Variants in DCAF10 observed in about 807,000 individuals in gnomAD.
The protein encoded by DCAF10 is DDB1- and CUL4-associated factor 10.
DCAF10 carries 19 observed loss-of-function variants against 51.9 expected under a neutral mutation model. That is an observed-to-expected ratio of 0.37 (90% CI 0.26 to 0.54). The LOEUF (loss-of-function observed/expected upper bound fraction) is 0.54. Ranked by LOEUF, DCAF10 falls within the 20% of genes least tolerant of loss-of-function variation. The pLI, the probability that DCAF10 is intolerant of heterozygous loss-of-function variation, is 0.87. For missense variants in DCAF10, 510 were observed against 730.6 expected (o/e 0.70, Z 3.48); for synonymous variants, 291 against 297.1 (o/e 0.98, Z 0.21).
chr9:37,855,076 A>C (rs1379365834), intron 4 of DCAF10, 94 bp downstream of exon 4: 2 of 1,213,944 alleles, frequency 1.6e-6, no homozygotes, highest in Non-Finnish European at 2.3e-6. Flanking sequence ...TAGCAGGAAA[A>C]GGGAAGACAG....
At chr9:37,813,366 GAT>G (rs1223945816) in intron 1 of DCAF10, among the ~76,000 whole-genome samples, 1 of 152,206 alleles carries the variant, frequency 6.6e-6, no homozygotes, top group Non-Finnish European at 1.5e-5. Flanking sequence ...AAAACACTAG[GAT>G]TACAGGCATG....
At position 37,861,730 on chromosome 9, in the gene DCAF10, C is replaced by A; in HGVS notation, c.*222C>A. 1.9e-6 allele frequency: 1 copy of A among 523,432 alleles called. No individual in the cohort carries two copies. Among genetic ancestry groups the A allele is most frequent in the Non-Finnish European group, 3.3e-6 (1 of 305,192 alleles). 32.4% of individuals were successfully genotyped at this position (523,432 alleles called of 1,614,324 possible). On this transcript the variant is annotated 3_prime_UTR_variant, in exon 7 of 7. Coordinates refer to ENST00000377724, the MANE Select transcript of DCAF10 (RefSeq NM_024345.5). This position sits in a 1 kb window ranked among gnomAD's most constrained non-coding sequence, Gnocchi z 4.9. The stretch of plus-strand genomic sequence containing the variant: ...CAGCATCATCTTTTGCAGCATTCCT[C>A]TGCTCCTGCTGATCTGTGCCACTGA...
At chr9:37,823,890 T>G (rs1043202814) in intron 2 of DCAF10, among the ~76,000 whole-genome samples, 22 of 147,896 alleles carry the variant, frequency 1.5e-4, no homozygotes, top group Admixed American at 1.2e-3. Flanking sequence ...TTTTTTTTTT[T>G]TTTTTTTTGA....
chr9:37,814,100 A>ATT (rs1242481233), intron 1 of DCAF10, among the ~76,000 whole-genome samples: 4 of 97,122 alleles, frequency 4.1e-5, no homozygotes, highest in Non-Finnish European at 2.0e-5. Flanking sequence ...ATATATATAT[A>ATT]TATATATATA....
intron 1 of DCAF10, among the ~76,000 whole-genome samples, chr9:37,810,011 G>T (rs1384467072): frequency 6.6e-6 from 1 of 151,738 alleles, no homozygotes; most frequent in African/African-American, 2.4e-5. Flanking sequence ...AAGTAGCTGG[G>T]CATGGTGGCA....
At position 37,863,627 on chromosome 9, in the gene DCAF10, C is replaced by T. The variant is rs1831072796; in HGVS notation, c.*2119C>T. 6.6e-6 allele frequency: 1 copy of T among 152,262 alleles called. No homozygotes were observed. The highest frequency in any genetic ancestry group is 2.4e-5 in the African/African-American group (1 of 41,560). The allele number at this position is 152,262 out of a possible 1,614,324, so 9.4% of individuals were successfully genotyped here. A position where few individuals can be genotyped will look rare whatever the true frequency, so the allele number is the denominator to read the frequency against. On this transcript the variant is annotated 3_prime_UTR_variant, in exon 7 of 7. Transcript: ENST00000377724. ...TGTTAGAAATAATGACTTATGGACA[C>T]TTTGTCTTTAAGTTGTATTATTGTA... is the stretch of plus-strand genomic sequence containing the variant.
chr9:37,830,408 T>A (rs1034746962), intron 2 of DCAF10, among the ~76,000 whole-genome samples: 2 of 152,160 alleles, frequency 1.3e-5, no homozygotes, highest in Non-Finnish European at 2.9e-5. Context: ...TTATTAAACA[T>A]TTACAGAGAA....
intron 1 of DCAF10, among the ~76,000 whole-genome samples, chr9:37,815,706 C>G (rs919708190): frequency 2.6e-5 from 4 of 151,078 alleles, no homozygotes; most frequent in Non-Finnish European, 5.9e-5. Flanking sequence ...TATTATCAAC[C>G]AAAAACCCCA....
At chr9:37,850,548 C>G (rs901668775) in intron 3 of DCAF10, among the ~76,000 whole-genome samples, 3 of 151,798 alleles carry the variant, frequency 2.0e-5, no homozygotes, top group Non-Finnish European at 4.4e-5. Flanking sequence ...ATATCACTTA[C>G]ATGTAGAATC....
rs1488825650 is a variant in DCAF10 at position 37,857,395 on chromosome 9, T to C, written c.1165+44T>C. ...TTTATAATCTTGTAACAACAGATTA[T>C]GCCAATCTGATTAATTATTGATTGA... On this transcript the variant is annotated intron_variant, in intron 5 of 6. Coordinates refer to ENST00000377724, the MANE Select transcript of DCAF10 (RefSeq NM_024345.5). 6.5e-6 allele frequency: 9 copies of C among 1,382,762 alleles called. No individual in the cohort carries two copies. In the South Asian group the frequency reaches 1.0e-4, roughly 16 times the overall value. 85.7% of individuals were successfully genotyped at this position (1,382,762 alleles called of 1,614,324 possible). A position where few individuals can be genotyped will look rare whatever the true frequency, so the allele number is the denominator to read the frequency against.
chr9:37,830,628 T>C (rs1829978825), intron 2 of DCAF10, among the ~76,000 whole-genome samples: 1 of 152,224 alleles, frequency 6.6e-6, no homozygotes, highest in African/African-American at 2.4e-5. Flanking sequence ...AATGTTAAAA[T>C]TGATAAAGCT....
intron 3 of DCAF10, among the ~76,000 whole-genome samples, chr9:37,846,607 C>T (rs1192560560): frequency 6.6e-6 from 1 of 152,070 alleles, no homozygotes; most frequent in South Asian, 2.1e-4. Flanking sequence ...CAGGCATCCA[C>T]CACCACCCCT....
chr9:37,814,861 CATG>C (rs1330549263), intron 1 of DCAF10, among the ~76,000 whole-genome samples: 5 of 152,118 alleles, frequency 3.3e-5, no homozygotes, highest in African/African-American at 1.2e-4. Context: ...TAATTCATTC[CATG>C]ATGTTAGCAT....
chr9:37,824,723 T>C (rs2762454), intron 2 of DCAF10, among the ~76,000 whole-genome samples: 152,039 of 152,148 alleles, frequency 1, 75,965 homozygotes, highest in Middle Eastern at 1. Flanking sequence ...GTTGCTCTAT[T>C]GATATATGTT....
intron 1 of DCAF10, among the ~76,000 whole-genome samples, chr9:37,818,037 T>G (rs111862618): frequency 0.19 from 28,933 of 151,774 alleles, 3,147 homozygotes; most frequent in African/African-American, 0.29. Context: ...CTGTCACTCA[T>G]GCTGGAGTGC....
At chr9:37,830,042 T>A (rs1829963120) in intron 2 of DCAF10, among the ~76,000 whole-genome samples, 1 of 152,030 alleles carries the variant, frequency 6.6e-6, no homozygotes, top group Admixed American at 6.6e-5. Context: ...TTAATGCATA[T>A]GTGGACACGG....
chr9:37,823,784 T>G (rs543647567), intron 2 of DCAF10, among the ~76,000 whole-genome samples: 1 of 152,198 alleles, frequency 6.6e-6, no homozygotes, highest in East Asian at 1.9e-4. Flanking sequence ...CATTTCAACA[T>G]GTAATCAATA....
chr9:37,834,042 C>A (rs1589097781), intron 2 of DCAF10, among the ~76,000 whole-genome samples: 1 of 152,124 alleles, frequency 6.6e-6, no homozygotes, highest in Non-Finnish European at 1.5e-5. Context: ...CCAGCTCAAG[C>A]GATTCTCCTG....
chr9:37,816,256 G>A (rs572468977), intron 1 of DCAF10, among the ~76,000 whole-genome samples: 9 of 152,292 alleles, frequency 5.9e-5, no homozygotes, highest in Admixed American at 2.6e-4. Context: ...TTATGTTAAT[G>A]GATTGGAAGA....
Sources: allele counts gnomAD v4.1 joint callset (sites outside exome capture counted in the v4.1 genomes callset), GRCh38; gene constraint gnomAD v4.1.1; non-coding constraint Gnocchi (gnomAD v3.1); transcripts MANE v1.5; gene names NCBI Gene and HGNC (gene_info 2026-07-23, HGNC 2026-07-21).